Variants in ZNF248 observed in about 807,000 individuals in gnomAD.
The protein encoded by ZNF248 is zinc finger protein 248.
In ZNF248, 20 loss-of-function variants were observed where a neutral mutation model predicts 44.3. That is an observed-to-expected ratio of 0.45 (90% CI 0.32 to 0.66). ZNF248 has a LOEUF of 0.66. ZNF248 is among the 30% of genes least tolerant of loss of function. The pLI, the probability that ZNF248 is intolerant of heterozygous loss-of-function variation, is 0.04. For missense variants in ZNF248, 654 were observed against 677.0 expected, an observed-to-expected ratio of 0.97 and a Z score of 0.38; for synonymous variants, 224 against 229.0, an observed-to-expected ratio of 0.98 and a Z score of 0.20.
intron 6 of ZNF248, among the ~76,000 whole-genome samples, chr10:37,786,889 T>C (rs924261370): frequency 1.3e-5 from 2 of 152,358 alleles, no homozygotes; most frequent in African/African-American, 4.8e-5. Flanking sequence ...TATTCATTTT[T>C]TTTCCTTTGG....
intron 6 of ZNF248, among the ~76,000 whole-genome samples, chr10:37,821,172 AG>A (rs1312525808): frequency 6.6e-6 from 1 of 151,966 alleles, no homozygotes; most frequent in Non-Finnish European, 1.5e-5. Context: ...AAAAGCACAG[AG>A]TTTTGTCTGT....
chr10:37,856,319 C>G lies in ZNF248; in HGVS notation c.-9G>C, dbSNP rs201208716. On this transcript the variant is annotated 5_prime_UTR_variant, in exon 3 of 6. Coordinates refer to ENST00000395867, the MANE Select transcript of ZNF248 (RefSeq NM_021045.3). ...ACCTGGGATTTGTTCATTTTCCGCT[C>G]TTAGTGGAGGAAGGAGAGCTGAAGG... The G allele has an allele frequency of 4.2e-5, 68 of 1,613,564 alleles. No homozygotes were observed. The African/African-American group carries it at 7.9e-4, about 19-fold the overall frequency.
At chr10:37,770,713 G>A in the ZNF248 span, among the ~76,000 whole-genome samples, 3 of 152,116 alleles carry the variant, frequency 2.0e-5, no homozygotes, top group African/African-American at 4.8e-5. Flanking sequence ...CAGACATGGG[G>A]AAGGACTTCA....
At chr10:37,812,580 C>T (rs1039484565) in intron 6 of ZNF248, among the ~76,000 whole-genome samples, 1 of 152,014 alleles carries the variant, frequency 6.6e-6, no homozygotes, top group African/African-American at 2.4e-5. Flanking sequence ...ATGCTTTGTC[C>T]CTGAAGTCAG....
Position 37,821,123 on chromosome 10 carries a change from C to T in ZNF248, c.330+11902G>A, listed in dbSNP as rs933348906. ...GCTGCCATTGTGGAAGTCATGGTAA[C>T]TTTTTATATTTATTGCCCCACTAGA... On this transcript the variant is annotated intron_variant, in intron 6 of 6. Coordinates refer to the ZNF248 transcript ENST00000615949. The T allele has an allele frequency of 2.9e-5, 15 of 526,076 alleles. No homozygotes were observed. In the African/African-American group the frequency reaches 2.9e-4, roughly 10 times the overall value. 32.6% of individuals were successfully genotyped at this position (526,076 alleles called of 1,614,324 possible).
intron 6 of ZNF248, among the ~76,000 whole-genome samples, chr10:37,809,582 G>A (rs1046550274): frequency 6.6e-6 from 1 of 152,148 alleles, no homozygotes; most frequent in African/African-American, 2.4e-5. Context: ...CCAGCCTTCA[G>A]TTAGCTCTTT....
chr10:37,795,913 T>C (rs1048305760), intron 6 of ZNF248: 5 of 152,186 alleles, frequency 3.3e-5, no homozygotes, highest in African/African-American at 9.6e-5. Flanking sequence ...CCTGTCTGGG[T>C]TGCTGGTGTT....
rs2055191732 is a variant in ZNF248 at position 37,829,999 on chromosome 10, A to T, written c.*1616T>A. 1 of 985,264 alleles carries T rather than the reference A, an allele frequency of 1.0e-6. No homozygotes were observed. Among genetic ancestry groups the T allele is most frequent in the Admixed American group, 6.2e-5 (1 of 16,260 alleles). 61.0% of individuals were successfully genotyped at this position (985,264 alleles called of 1,614,324 possible). On this transcript the variant is annotated 3_prime_UTR_variant, in exon 6 of 6. Transcript: ENST00000395867. ...CATCATGTGGGCAGTGTCTCTTAGA[A>T]CTGCTGACCAATGTGTTCCAAGGGG...
At chr10:37,797,316 G>A (rs559646485) in intron 6 of ZNF248, among the ~76,000 whole-genome samples, 2 of 150,682 alleles carry the variant, frequency 1.3e-5, no homozygotes, top group South Asian at 2.1e-4. Context: ...ATTGATCAAA[G>A]ACCTAAATGA....
intron 6 of ZNF248, among the ~76,000 whole-genome samples, chr10:37,778,211 T>A (rs1163116172): frequency 2.0e-5 from 3 of 151,490 alleles, no homozygotes; most frequent in Non-Finnish European, 4.4e-5. Context: ...TTTCCTGACT[T>A]TTTAATGATC....
At position 37,832,806 on chromosome 10, in the gene ZNF248, G is replaced by A. The variant is rs145831910; in HGVS notation, c.549C>T (p.Ile183=). 34 of 1,613,648 alleles carry A rather than the reference G, an allele frequency of 2.1e-5. No homozygotes were observed. The highest frequency in any genetic ancestry group is 2.9e-5 in the Non-Finnish European group (34 of 1,179,850). Residue 183 remains isoleucine (I), a synonymous_variant, in exon 6 of 6, where the codon ATC becomes ATT. Transcript: ENST00000395867. ...ATTTATAAGACTTCTCTCCAATAGGGATTTTCTCATGCCTAATATCAAGGA... is the reference window on the plus strand; with the variant it reads ...ATTTATAAGACTTCTCTCCAATAGGAATTTTCTCATGCCTAATATCAAGGA... ...KLLLDIRHEK[I]PIGEKSYKYD... is the part of the protein sequence containing the mutation.
intron 6 of ZNF248, among the ~76,000 whole-genome samples, chr10:37,778,837 C>T (rs993743621): frequency 6.6e-6 from 1 of 152,038 alleles, no homozygotes; most frequent in Non-Finnish European, 1.5e-5. Flanking sequence ...GGGATATCAC[C>T]ACTGATCCCA....
the ZNF248 span, among the ~76,000 whole-genome samples, chr10:37,763,159 G>T: frequency 6.6e-6 from 1 of 152,178 alleles, no homozygotes; most frequent in African/African-American, 2.4e-5. Flanking sequence ...TTGGAAGAAG[G>T]GGTCGGGGGC....
At chr10:37,814,982 G>A (rs896316002) in intron 6 of ZNF248, among the ~76,000 whole-genome samples, 6 of 152,004 alleles carry the variant, frequency 3.9e-5, no homozygotes, top group Non-Finnish European at 8.8e-5. Flanking sequence ...TTATCTCTAT[G>A]CTTTCTCTAT....
intron 6 of ZNF248, among the ~76,000 whole-genome samples, chr10:37,823,642 C>T (rs1367098282): frequency 6.6e-6 from 1 of 151,874 alleles, no homozygotes; most frequent in Non-Finnish European, 1.5e-5. Flanking sequence ...GGCACGATCT[C>T]GGCTCACTGC....
At chr10:37,825,435 C>T (rs2054225567), downstream of ZNF248, among the ~76,000 whole-genome samples, 1 of 152,008 alleles carries the variant, frequency 6.6e-6, no homozygotes, top group South Asian at 2.1e-4. Context: ...GCGCACATTT[C>T]CAAATTTTTT....
chr10:37,832,020 G>A lies in ZNF248; in HGVS notation c.1335C>T (p.Phe445=), dbSNP rs1324091790. The change falls in exon 6 of 6, where the codon TTC becomes TTT. Residue 445 remains phenylalanine (F), a synonymous_variant. Transcript: ENST00000395867. ...GTTCAGTGAGGTTTGACTTCACACA[G>A]AATGTTTTTCCACATTGCTTACATT... ...PYECKQCGKT[F]CVKSNLTEHQ... is the part of the protein sequence containing the mutation. The A allele has an allele frequency of 4.3e-6, 7 of 1,614,104 alleles. No individual in the cohort carries two copies. Among genetic ancestry groups the A allele is most frequent in the Middle Eastern group, 1.6e-4 (1 of 6,062 alleles).
chr10:37,766,977 G>A, the ZNF248 span, among the ~76,000 whole-genome samples: 1 of 152,212 alleles, frequency 6.6e-6, no homozygotes, highest in Non-Finnish European at 1.5e-5. Context: ...CGTGAAGAAT[G>A]CAGAAGTCTC....
At chr10:37,776,524 C>T, downstream of ZNF248, 3 of 398,426 alleles carry the variant, frequency 7.5e-6, no homozygotes, top group Non-Finnish European at 1.3e-5. Flanking sequence ...TCCTAGGGCG[C>T]CTTCTTCTTA....
Sources: allele counts gnomAD v4.1 joint callset (sites outside exome capture counted in the v4.1 genomes callset), GRCh38; gene constraint gnomAD v4.1.1; transcripts MANE v1.5; gene names NCBI Gene and HGNC (gene_info 2026-07-23, HGNC 2026-07-21).